COTL1: variants seen among roughly 807,000 people sequenced by gnomAD.
COTL1 encodes the protein coactosin like F-actin binding protein 1, also known as coactosin-like protein.
A neutral mutation model predicts 16.5 loss-of-function variants in COTL1; 15 were observed. That is an observed-to-expected ratio of 0.91 (90% CI 0.61 to 1.40). COTL1 has a LOEUF of 1.40. COTL1 is among the 40% of genes most tolerant of loss of function. The pLI is 0.00. For missense variants in COTL1, 220 were observed against 201.5 expected (o/e 1.09, Z -0.56); for synonymous variants, 112 against 85.3 (o/e 1.31, Z -1.73).
chr16:84,593,730 AC>A (rs1904930147), intron 2 of COTL1, among the ~76,000 whole-genome samples: 1 of 151,812 alleles, frequency 6.6e-6, no homozygotes, highest in Non-Finnish European at 1.5e-5. Flanking sequence ...TGATCTCCTG[AC>A]CTCGTGATCC....
At chr16:84,602,341 T>TGATC (rs982941121) in intron 2 of COTL1, among the ~76,000 whole-genome samples, 1 of 150,928 alleles carries the variant, frequency 6.6e-6, no homozygotes, top group Non-Finnish European at 1.5e-5. Flanking sequence ...CAGTGAACTA[T>TGATC]GATCGCACCA....
chr16:84,617,606 A>AC (rs767578234), intron 1 of COTL1, 23 bp from the exon 2 acceptor site: 586 of 1,547,800 alleles, frequency 3.8e-4, no homozygotes, highest in Non-Finnish European at 4.9e-4. Flanking sequence ...AGAAGAAAAA[A>AC]ACACACACAC....
At chr16:84,567,604 C>T (rs1904304425) in intron 3 of COTL1, 1 of 152,308 alleles carries the variant, frequency 6.6e-6, no homozygotes, top group Non-Finnish European at 1.5e-5. Context: ...TCTCCACCCG[C>T]ACTGAGTTAC....
At chr16:84,587,488 C>CTT (rs1206981920) in intron 3 of COTL1, among the ~76,000 whole-genome samples, 5 of 152,138 alleles carry the variant, frequency 3.3e-5, no homozygotes, top group Non-Finnish European at 7.4e-5. Context: ...TTGGAAGCAA[C>CTT]TTAAGAGGCC....
chr16:84,605,319 G>A (rs554113510), intron 2 of COTL1, among the ~76,000 whole-genome samples: 1 of 152,216 alleles, frequency 6.6e-6, no homozygotes. Context: ...TACTGCCTCG[G>A]CTGTGAAATG....
At chr16:84,616,458 G>C (rs1905486767) in intron 2 of COTL1, 1 of 151,964 alleles carries the variant, frequency 6.6e-6, no homozygotes, top group South Asian at 2.1e-4. Context: ...AGCTGAGATT[G>C]TACCACTGCA....
At chr16:84,579,992 AC>A (rs1207768064) in intron 3 of COTL1, among the ~76,000 whole-genome samples, 2 of 152,226 alleles carry the variant, frequency 1.3e-5, no homozygotes, top group African/African-American at 4.8e-5. Flanking sequence ...CGGCACAGCG[AC>A]TGTATACCGT....
intron 2 of COTL1, among the ~76,000 whole-genome samples, chr16:84,617,020 G>C (rs542074331): frequency 3.3e-5 from 5 of 152,304 alleles, no homozygotes; most frequent in African/African-American, 1.2e-4. Context: ...TTTTGCATCT[G>C]ATTCTACTCG....
rs907084035 is a variant in COTL1 at position 84,617,740 on chromosome 16, G to T, written c.77+98C>A. ...CGGAATAAGGCGAGGAAGACAGCGC[G>T]GGAGGCCCGAATCCGTCCCGCCTGG... is the stretch of plus-strand genomic sequence containing the variant. On this transcript the variant is annotated intron_variant, in intron 1 of 3. Transcript: ENST00000262428. The T allele has an allele frequency of 2.9e-6, 4 of 1,394,376 alleles. No individual in the cohort carries two copies. The African/African-American group carries it at 5.7e-5, about 20-fold the overall frequency. 86.4% of individuals were successfully genotyped at this position (1,394,376 alleles called of 1,614,324 possible).
At chr16:84,598,860 G>A (rs969641798) in intron 2 of COTL1, among the ~76,000 whole-genome samples, 4 of 151,320 alleles carry the variant, frequency 2.6e-5, no homozygotes, top group South Asian at 2.1e-4. Context: ...AAGCGGGGTC[G>A]GGGGTGATCA....
Position 84,618,047 on chromosome 16 carries a change from T to G in COTL1, c.-133A>C, listed in dbSNP as rs567600273. On this transcript the variant is annotated 5_prime_UTR_variant, in exon 1 of 4. Coordinates refer to ENST00000262428, the MANE Select transcript of COTL1 (RefSeq NM_021149.5). ...GCGGTGGCGACGGCTACGCGGCGCC[T>G]GCAAGCTGCGAGCGCGGCGGCGGCT... The G allele has an allele frequency of 1.9e-4, 62 of 320,718 alleles. No individual in the cohort carries two copies. Among genetic ancestry groups the G allele is most frequent in the African/African-American group, 1.3e-3 (59 of 44,156 alleles). The allele number at this position is 320,718 out of a possible 1,614,324, so 19.9% of individuals were successfully genotyped here.
chr16:84,566,643 C>A lies in COTL1; in HGVS notation c.*202G>T. ...AAAAGAAGATCAAAGAAAGAGGTTC[C>A]ATGAGCGTCATGAGATAGGACACGG... On this transcript the variant is annotated 3_prime_UTR_variant, in exon 4 of 4. Coordinates refer to ENST00000262428, the MANE Select transcript of COTL1 (RefSeq NM_021149.5). 2.0e-6 allele frequency: 1 copy of A among 496,710 alleles called. No homozygotes were observed. The highest frequency in any genetic ancestry group is 2.0e-5 in the African/African-American group (1 of 51,200). 30.8% of individuals were successfully genotyped at this position (496,710 alleles called of 1,614,324 possible). A position where few individuals can be genotyped will look rare whatever the true frequency, so the allele number is the denominator to read the frequency against.
intron 3 of COTL1, among the ~76,000 whole-genome samples, chr16:84,570,183 G>C (rs897960557): frequency 1.3e-5 from 2 of 152,212 alleles, no homozygotes; most frequent in Non-Finnish European, 2.9e-5. Context: ...GGCTAAGGCA[G>C]GAGAATGGCT....
At chr16:84,601,550 G>A (rs1249646599) in intron 2 of COTL1, among the ~76,000 whole-genome samples, 1 of 151,972 alleles carries the variant, frequency 6.6e-6, no homozygotes, top group Non-Finnish European at 1.5e-5. Flanking sequence ...TCCGCCTCCC[G>A]GGTTCAAGCA....
At chr16:84,614,335 G>A (rs959719742) in intron 2 of COTL1, among the ~76,000 whole-genome samples, 1 of 152,186 alleles carries the variant, frequency 6.6e-6, no homozygotes, top group African/African-American at 2.4e-5. Flanking sequence ...AGAAAGATTG[G>A]GAGGATGAGT....
At chr16:84,585,174 G>A (rs573320982) in intron 3 of COTL1, among the ~76,000 whole-genome samples, 21 of 151,918 alleles carry the variant, frequency 1.4e-4, no homozygotes, top group African/African-American at 4.8e-4. Flanking sequence ...TCAGGCAGGT[G>A]GTTAGTGACA....
At chr16:84,588,144 G>C (rs1904777713) in intron 3 of COTL1, among the ~76,000 whole-genome samples, 2 of 152,074 alleles carry the variant, frequency 1.3e-5, no homozygotes, top group Non-Finnish European at 2.9e-5. Context: ...CACTTTCGGA[G>C]GCTGAGGTGT....
In COTL1 at chr16:84,577,616, G is replaced by A. The variant is rs903116764; in HGVS notation, c.319-10661C>T. Among the ~76,000 whole-genome samples the A allele has an allele frequency of 3.3e-5, 5 of 152,314 alleles. No homozygotes were observed. In the East Asian group the frequency reaches 5.8e-4, roughly 18 times the overall value. ...AAACTAACAGATCAAAATGGCACGGGCTCGGGTTTGACAGATTCAGGAACA... is the reference window on the plus strand; with the variant it reads ...AAACTAACAGATCAAAATGGCACGGACTCGGGTTTGACAGATTCAGGAACA... On this transcript the variant is annotated intron_variant, in intron 3 of 3. Transcript: ENST00000262428.
At chr16:84,584,291 G>A (rs1904669458) in intron 3 of COTL1, among the ~76,000 whole-genome samples, 1 of 152,274 alleles carries the variant, frequency 6.6e-6, no homozygotes, top group Non-Finnish European at 1.5e-5. Context: ...GCTGGCATTT[G>A]TCTTGTTTTG....
Sources: allele counts gnomAD v4.1 joint callset (sites outside exome capture counted in the v4.1 genomes callset), GRCh38; gene constraint gnomAD v4.1.1; transcripts MANE v1.5; gene names NCBI Gene and HGNC (gene_info 2026-07-23, HGNC 2026-07-21).